TRIQK: variants seen among roughly 807,000 people sequenced by gnomAD.
TRIQK encodes triple QxxK/R motif-containing protein.
In TRIQK, 10 loss-of-function variants were observed where a neutral mutation model predicts 10.8. The observed-to-expected ratio is 0.92, with a 90% confidence interval of 0.57 to 1.57. The LOEUF (loss-of-function observed/expected upper bound fraction) is 1.57. Among genes scored for constraint, TRIQK ranks in the 40% most tolerant of loss-of-function variants. The pLI, the probability that TRIQK is intolerant of heterozygous loss-of-function variation, is 0.00. For missense variants in TRIQK, 107 were observed against 97.7 expected (o/e 1.09, Z -0.40); for synonymous variants, 33 against 33.7 (o/e 0.98, Z 0.07).
upstream of TRIQK, among the ~76,000 whole-genome samples, chr8:92,969,787 A>T (rs1032252100): frequency 2.6e-5 from 4 of 151,554 alleles, no homozygotes; most frequent in South Asian, 2.1e-4. Context: ...AAAAAAATTA[A>T]TTTTTTTTAA....
intron 3 of TRIQK, among the ~76,000 whole-genome samples, chr8:92,899,955 G>A (rs1452342992): frequency 6.6e-6 from 1 of 152,044 alleles, no homozygotes; most frequent in East Asian, 1.9e-4. Context: ...TAACTGAGGT[G>A]AGATGATATT....
intron 1 of TRIQK, among the ~76,000 whole-genome samples, chr8:92,957,109 T>C (rs1216033694): frequency 6.6e-6 from 1 of 151,880 alleles, no homozygotes; most frequent in Admixed American, 6.6e-5. Context: ...CAAATCTATC[T>C]GATTATAGAG....
At chr8:92,901,541 A>G (rs1005551506) in intron 3 of TRIQK, among the ~76,000 whole-genome samples, 2 of 152,170 alleles carry the variant, frequency 1.3e-5, no homozygotes, top group Non-Finnish European at 2.9e-5. Flanking sequence ...GATATGATGT[A>G]TCACATTGTT....
chr8:92,910,146 C>CA (rs942174766), intron 3 of TRIQK, among the ~76,000 whole-genome samples: 86 of 149,950 alleles, frequency 5.7e-4, no homozygotes, highest in African/African-American at 2.0e-3. Context: ...TTAGAGATGC[C>CA]AAAAAAAATT....
chr8:92,991,972 G>A (rs1169398127), intron 1 of TRIQK, among the ~76,000 whole-genome samples: 1 of 152,132 alleles, frequency 6.6e-6, no homozygotes. Flanking sequence ...CCTTCAAAGA[G>A]AACTACAAAC....
At chr8:92,895,996 G>GA (rs1808574151) in intron 3 of TRIQK, among the ~76,000 whole-genome samples, 1 of 152,138 alleles carries the variant, frequency 6.6e-6, no homozygotes, top group Admixed American at 6.5e-5. Context: ...GATTACTAGG[G>GA]AGAGAAGGGG....
intron 1 of TRIQK, among the ~76,000 whole-genome samples, chr8:93,007,189 C>T (rs1327318470): frequency 1.3e-5 from 2 of 152,198 alleles, no homozygotes; most frequent in African/African-American, 2.4e-5. Context: ...CCACTAGTGA[C>T]ACCTCCAGGT....
At chr8:92,927,734 T>G (rs1810513581) in intron 2 of TRIQK, among the ~76,000 whole-genome samples, 3 of 152,056 alleles carry the variant, frequency 2.0e-5, no homozygotes, top group Admixed American at 6.6e-5. Context: ...AAGACTCAGT[T>G]AGAAAGACTG....
chr8:92,926,498 T>A (rs1810455926), intron 2 of TRIQK: 1 of 152,142 alleles, frequency 6.6e-6, no homozygotes, highest in Non-Finnish European at 1.5e-5. Context: ...ATACTTTGTT[T>A]TTACTCTTTA....
chr8:92,944,518 C>T (rs1242090416), intron 2 of TRIQK, among the ~76,000 whole-genome samples: 1 of 152,038 alleles, frequency 6.6e-6, no homozygotes, highest in Non-Finnish European at 1.5e-5. Flanking sequence ...GAATGAAATA[C>T]TATCCAGCCA....
chr8:93,008,990 G>T (rs1330416358), intron 1 of TRIQK, among the ~76,000 whole-genome samples: 2 of 152,128 alleles, frequency 1.3e-5, no homozygotes, highest in Non-Finnish European at 2.9e-5. Context: ...AGACTGAAAA[G>T]CTTCTGCACA....
chr8:92,944,462 T>C (rs1811419767), intron 2 of TRIQK, among the ~76,000 whole-genome samples: 1 of 152,132 alleles, frequency 6.6e-6, no homozygotes, highest in South Asian at 2.1e-4. Context: ...TCAACCTAAG[T>C]CTGTATAAAC....
chr8:92,902,074 G>T (rs1208159234), intron 3 of TRIQK, among the ~76,000 whole-genome samples: 1 of 152,040 alleles, frequency 6.6e-6, no homozygotes, highest in Non-Finnish European at 1.5e-5. Context: ...AATATCACTT[G>T]TAATGCCTCC....
In TRIQK at chr8:92,886,545, T is replaced by C. The variant is rs1586356725; in HGVS notation, c.*77A>G. The C allele has an allele frequency of 1.3e-6, 1 of 753,682 alleles. No individual in the cohort carries two copies. The highest frequency in any genetic ancestry group is 2.8e-5 in the East Asian group (1 of 35,970). 46.7% of individuals were successfully genotyped at this position (753,682 alleles called of 1,614,324 possible). Reference sequence around the variant, plus strand: ...GCAGAAAGAATTAAAGATGTTACAGTTTCAGTATTGAAAGTTTTGGTCCCA... The same window carrying C: ...GCAGAAAGAATTAAAGATGTTACAGCTTCAGTATTGAAAGTTTTGGTCCCA... On this transcript the variant is annotated 3_prime_UTR_variant, in exon 5 of 5. Transcript: ENST00000521988.
chr8:92,894,453 A>G (rs2130288735), intron 3 of TRIQK, among the ~76,000 whole-genome samples: 1 of 152,192 alleles, frequency 6.6e-6, no homozygotes, highest in East Asian at 1.9e-4. Context: ...CCTAAGGGAA[A>G]AAAAAAACAC....
chr8:92,974,653 A>G (rs1764993418), intron 1 of TRIQK: 1 of 152,252 alleles, frequency 6.6e-6, no homozygotes, highest in African/African-American at 2.4e-5. Context: ...GCTCCATCAC[A>G]TCCAGCAATC....
At chr8:92,924,985 AGAT>A (rs1270570297) in intron 2 of TRIQK, among the ~76,000 whole-genome samples, 1 of 152,082 alleles carries the variant, frequency 6.6e-6, no homozygotes, top group Non-Finnish European at 1.5e-5. Context: ...ATATGCAAAA[AGAT>A]GATTTCTAAA....
intron 3 of TRIQK, among the ~76,000 whole-genome samples, chr8:92,903,957 T>C (rs906263623): frequency 6.6e-6 from 1 of 152,098 alleles, no homozygotes; most frequent in Non-Finnish European, 1.5e-5. Context: ...AGATATGTAT[T>C]GTTTTAGATA....
At chr8:92,998,719 T>C (rs1437902306) in intron 1 of TRIQK, among the ~76,000 whole-genome samples, 3 of 152,102 alleles carry the variant, frequency 2.0e-5, no homozygotes, top group African/African-American at 7.2e-5. Context: ...GGGCTACTCT[T>C]GTTGCTATTT....
Sources: gnomAD v4.1 joint callset for allele counts (sites outside exome capture counted in the v4.1 genomes callset) on GRCh38, gnomAD v4.1.1 for gene constraint, MANE v1.5 for transcripts, NCBI Gene and HGNC (gene_info 2026-07-23, HGNC 2026-07-21) for gene names.